Variants in SMYD1 observed in about 807,000 individuals in gnomAD.
The protein encoded by SMYD1 is SET and MYND domain containing 1.
SMYD1 carries 49 observed loss-of-function variants against 54.0 expected under a neutral mutation model. The ratio of observed to expected loss-of-function variants is 0.91; its 90% CI spans 0.72 to 1.15. SMYD1 has a LOEUF of 1.15. Among genes scored for constraint, SMYD1 ranks in the 50% most tolerant of loss-of-function variants. The pLI is 0.00. For missense variants in SMYD1, 653 were observed against 639.6 expected (o/e 1.02, Z -0.23); for synonymous variants, 269 against 234.2 (o/e 1.15, Z -1.36).
chr2:88,089,405 G>GTAT (rs1674412558), intron 3 of SMYD1, among the ~76,000 whole-genome samples: 1 of 152,066 alleles, frequency 6.6e-6, no homozygotes, highest in Non-Finnish European at 1.5e-5. Context: ...AGCTTCCCAT[G>GTAT]TATTATTTTA....
intron 6 of SMYD1, among the ~76,000 whole-genome samples, chr2:88,100,110 C>G (rs889175610): frequency 6.6e-6 from 1 of 151,952 alleles, no homozygotes; most frequent in Non-Finnish European, 1.5e-5. Context: ...CTGGTGACAG[C>G]GGCCTTTCAC....
rs531622205 is a variant in SMYD1 at position 88,112,314 on chromosome 2, T to C, written c.*1802T>C. ...ATATTCGTAGTCTTTTTTTCCATCC[T>C]ATCTTTCTAATATTTGTTGTCTTTA... On this transcript the variant is annotated 3_prime_UTR_variant, in exon 10 of 10. Coordinates refer to ENST00000419482, the MANE Select transcript of SMYD1 (RefSeq NM_198274.4). 3.3e-6 allele frequency: 2 copies of C among 604,328 alleles called. No homozygotes were observed. The highest frequency in any genetic ancestry group is 2.0e-5 in the South Asian group (1 of 49,418). 37.4% of individuals were successfully genotyped at this position (604,328 alleles called of 1,614,324 possible).
chr2:88,078,941 G>A (rs1674128038), intron 1 of SMYD1, among the ~76,000 whole-genome samples: 1 of 152,258 alleles, frequency 6.6e-6, no homozygotes, highest in South Asian at 2.1e-4. Flanking sequence ...CTTGGCTCTA[G>A]GCCCTAGCAA....
At chr2:88,094,173 TG>T (rs1463917939) in intron 5 of SMYD1, among the ~76,000 whole-genome samples, 1 of 152,148 alleles carries the variant, frequency 6.6e-6, no homozygotes, top group Non-Finnish European at 1.5e-5. Flanking sequence ...GTTTGGGCTT[TG>T]GGAATGCTGG....
At chr2:88,103,577 A>G (rs1002000609) in intron 7 of SMYD1, among the ~76,000 whole-genome samples, 6 of 152,068 alleles carry the variant, frequency 3.9e-5, no homozygotes, top group African/African-American at 9.7e-5. Context: ...TTGAAGCACC[A>G]GGGATTCTCA....
At chr2:88,090,138 C>T (rs1402199331) in intron 3 of SMYD1, among the ~76,000 whole-genome samples, 1 of 152,112 alleles carries the variant, frequency 6.6e-6, no homozygotes, top group African/African-American at 2.4e-5. Flanking sequence ...TACTCAGAGG[C>T]TTAACATCAT....
rs563397955 is a variant in SMYD1 at position 88,099,419 on chromosome 2, T to C, written c.888+2635T>C. On this transcript the variant is annotated intron_variant, in intron 6 of 9. Transcript: ENST00000419482. ...CCTTTCTCTCTCCAGCCTTTACCCA[T>C]GGTTTTCAAATAGGAATGTGCCAGG... Among the ~76,000 whole-genome samples the C allele has an allele frequency of 1.2e-4, 19 of 152,004 alleles. No individual in the cohort carries two copies. In the South Asian group the frequency reaches 2.5e-3, roughly 20 times the overall value.
intron 1 of SMYD1, chr2:88,082,441 G>A (rs1162216847): frequency 6.6e-6 from 1 of 152,530 alleles, no homozygotes; most frequent in East Asian, 1.9e-4. Flanking sequence ...GGAAGCCCAG[G>A]ATGTAGCATA....
rs1462792718 is a variant in SMYD1, at chr2:88,103,168, A to G, written c.981+18A>G. ...ATCATGAGGTAAGAATTCACTTGTT[A>G]TAGAGGATGGGGGTAGAAAGGAGGG... is the stretch of plus-strand genomic sequence containing the variant. On this transcript the variant is annotated intron_variant, in intron 7 of 9. Transcript: ENST00000419482. The G allele has an allele frequency of 5.6e-6, 9 of 1,599,538 alleles. No homozygotes were observed. Among genetic ancestry groups the G allele is most frequent in the Non-Finnish European group, 6.8e-6 (8 of 1,169,332 alleles).
chr2:88,090,912 G>A, intron 3 of SMYD1, 100 bp from the exon 4 acceptor site: 1 of 1,370,878 alleles, frequency 7.3e-7, no homozygotes, highest in Non-Finnish European at 1.0e-6. Context: ...CATCTCCAGG[G>A]TGAGACTGGG....
At chr2:88,095,651 T>C (rs1226064709) in intron 5 of SMYD1, among the ~76,000 whole-genome samples, 1 of 152,228 alleles carries the variant, frequency 6.6e-6, no homozygotes, top group Non-Finnish European at 1.5e-5. Context: ...GATGGCTTCC[T>C]ACTAGGCAGG....
At chr2:88,092,203 C>A (rs775182180) in intron 4 of SMYD1, among the ~76,000 whole-genome samples, 15 of 152,162 alleles carry the variant, frequency 9.9e-5, no homozygotes, top group Non-Finnish European at 2.1e-4. Flanking sequence ...AGAAGCCAGA[C>A]CGCAAAGAAA....
chr2:88,084,536 C>A, intron 2 of SMYD1, 44 bp downstream of exon 2: 2 of 1,522,912 alleles, frequency 1.3e-6, no homozygotes, highest in South Asian at 2.5e-5. Flanking sequence ...TTCCAAATGT[C>A]AGGCTGGAAT....
chr2:88,093,445 AC>A (rs1674507034), intron 4 of SMYD1, 71 bp from the exon 5 acceptor site: 17 of 1,548,924 alleles, frequency 1.1e-5, no homozygotes, highest in Non-Finnish European at 1.5e-5. Flanking sequence ...AATGCTGTAC[AC>A]CCTTGCACTG....
Position 88,088,389 on chromosome 2 carries a change from G to A in SMYD1, c.528+314G>A, listed in dbSNP as rs1435696969. 3.3e-5 allele frequency among the ~76,000 whole-genome samples: 5 copies of A among 152,266 alleles called. No homozygotes were observed. The East Asian group carries it at 9.7e-4, about 29-fold the overall frequency. On this transcript the variant is annotated intron_variant, in intron 3 of 9. Coordinates refer to ENST00000419482, the MANE Select transcript of SMYD1 (RefSeq NM_198274.4). ...CTAGAGTATGATTCCTTATCAAGGA[G>A]GGGCCATGGTGACAGCTGGGATCGT...
At chr2:88,103,021 G>A in intron 6 of SMYD1, 37 bp from the exon 7 acceptor site, 2 of 1,572,358 alleles carry the variant, frequency 1.3e-6, no homozygotes, top group East Asian at 2.2e-5. Context: ...GTTGCCTCAT[G>A]AAGGCATCTC....
intron 3 of SMYD1, among the ~76,000 whole-genome samples, chr2:88,090,617 CAG>C (rs151170344): frequency 0.017 from 2,553 of 152,012 alleles, 62 homozygotes; most frequent in African/African-American, 0.057. Context: ...GCAGAGGAAA[CAG>C]GGGAAGGAAA....
rs985625590 is a variant in SMYD1, at chr2:88,112,236, A to G, written c.*1724A>G. ...CCTTCATATAAAATGTCTCCCCCAA[A>G]CCTTTTTCCCTTCTTTGTCATTGTT... On this transcript the variant is annotated 3_prime_UTR_variant, in exon 10 of 10. Transcript: ENST00000419482. The G allele has an allele frequency of 1.5e-4, 105 of 682,258 alleles. No homozygotes were observed. The highest frequency in any genetic ancestry group is 1.0e-3 in the African/African-American group (58 of 56,298). The allele number at this position is 682,258 out of a possible 1,614,324, so 42.3% of individuals were successfully genotyped here. A position where few individuals can be genotyped will look rare whatever the true frequency, so the allele number is the denominator to read the frequency against.
intron 2 of SMYD1, 94 bp downstream of exon 2, chr2:88,084,586 C>A: frequency 7.9e-7 from 1 of 1,262,370 alleles, no homozygotes; most frequent in Non-Finnish European, 1.1e-6. Context: ...GGAAGCCAAG[C>A]TGAGTGCAAG....
Sources: allele counts gnomAD v4.1 joint callset (sites outside exome capture counted in the v4.1 genomes callset), GRCh38; gene constraint gnomAD v4.1.1; transcripts MANE v1.5; gene names NCBI Gene and HGNC (gene_info 2026-07-23, HGNC 2026-07-21).